Variants in SPATA6 observed in about 807,000 individuals in gnomAD.
SPATA6 encodes the protein spermatogenesis-associated protein 6.
SPATA6 carries 56 observed loss-of-function variants against 65.3 expected under a neutral mutation model. That is an observed-to-expected ratio of 0.86 (90% CI 0.69 to 1.07). SPATA6 has a LOEUF of 1.07. Among genes scored for constraint, SPATA6 ranks in the 50% least tolerant of loss-of-function variants. The pLI, the probability that SPATA6 is intolerant of heterozygous loss-of-function variation, is 0.00. For synonymous variants in SPATA6, 199 were observed against 213.2 expected, an observed-to-expected ratio of 0.93 and a Z score of 0.58; for missense variants, 590 against 594.8, an observed-to-expected ratio of 0.99 and a Z score of 0.08.
At chr1:48,453,203 T>C (rs1656735187) in intron 1 of SPATA6, 72 bp from the exon 2 acceptor site, 4 of 1,454,356 alleles carry the variant, frequency 2.8e-6, no homozygotes, top group East Asian at 4.9e-5. Flanking sequence ...AAATAACTTA[T>C]CAAATATTAC....
intron 9 of SPATA6, among the ~76,000 whole-genome samples, chr1:48,362,703 G>A (rs951995566): frequency 6.6e-6 from 1 of 152,066 alleles, no homozygotes; most frequent in Non-Finnish European, 1.5e-5. Context: ...TCTTAATGGT[G>A]CAGGTCTCAC....
chr1:48,424,898 T>A (rs1206982406), intron 3 of SPATA6, among the ~76,000 whole-genome samples: 1 of 152,210 alleles, frequency 6.6e-6, no homozygotes, highest in African/African-American at 2.4e-5. Context: ...TAATCCCTTA[T>A]CAGAGGGGCA....
intron 3 of SPATA6, among the ~76,000 whole-genome samples, chr1:48,414,024 A>G (rs1240602044): frequency 6.6e-6 from 1 of 152,216 alleles, no homozygotes; most frequent in African/African-American, 2.4e-5. Flanking sequence ...TATGGTACAT[A>G]TCAAGCAATT....
At chr1:48,313,967 G>A (rs913179417) in intron 11 of SPATA6, among the ~76,000 whole-genome samples, 1 of 152,096 alleles carries the variant, frequency 6.6e-6, no homozygotes, top group African/African-American at 2.4e-5. Flanking sequence ...ATGGTAAAGG[G>A]ATCAATTCAA....
intron 11 of SPATA6, among the ~76,000 whole-genome samples, chr1:48,317,636 C>A (rs992352100): frequency 2.2e-4 from 33 of 152,040 alleles, no homozygotes; most frequent in East Asian, 1.9e-4. Flanking sequence ...ATGTAACAAA[C>A]CTGCACGTTG....
chr1:48,313,826 C>T (rs143397778), intron 11 of SPATA6, among the ~76,000 whole-genome samples: 12,722 of 151,986 alleles, frequency 0.084, 538 homozygotes, highest in Non-Finnish European at 0.093. Flanking sequence ...CACACATAGG[C>T]TCAAAATAAA....
chr1:48,264,402 G>A, the SPATA6 span, among the ~76,000 whole-genome samples: 790 of 152,154 alleles, frequency 5.2e-3, 19 homozygotes, highest in South Asian at 0.05. Flanking sequence ...TAAGTTCTGG[G>A]ATGCATGTGC....
At chr1:48,367,315 C>A (rs1448303799) in intron 9 of SPATA6, among the ~76,000 whole-genome samples, 5 of 152,116 alleles carry the variant, frequency 3.3e-5, no homozygotes, top group African/African-American at 1.2e-4. Flanking sequence ...ATTAGGTCTG[C>A]TTGGTGCAGA....
At chr1:48,268,304 ATGTGTGTGTGTGTGTG>A in the SPATA6 span, among the ~76,000 whole-genome samples, 2 of 149,220 alleles carry the variant, frequency 1.3e-5, no homozygotes, top group Non-Finnish European at 3.0e-5. Context: ...AAATAAAAAT[ATGTGTGTGTGTGTGTG>A]TGTGTGTGTG....
chr1:48,413,221 G>A, intron 3 of SPATA6, 70 bp from the exon 4 acceptor site: 1 of 848,390 alleles, frequency 1.2e-6, no homozygotes, highest in Non-Finnish European at 1.7e-6. Context: ...ATTTACCATG[G>A]GAGTGTCTAA....
chr1:48,426,213 TG>T (rs1306633341), intron 3 of SPATA6, among the ~76,000 whole-genome samples: 1 of 152,140 alleles, frequency 6.6e-6, no homozygotes, highest in Non-Finnish European at 1.5e-5. Context: ...CTAAAGGACC[TG>T]GAAAGATAAT....
the SPATA6 span, among the ~76,000 whole-genome samples, chr1:48,273,185 C>T: frequency 6.6e-6 from 1 of 152,010 alleles, no homozygotes; most frequent in South Asian, 2.1e-4. Context: ...AATATTATTG[C>T]CAAGACCAAT....
chr1:48,281,738 T>A, the SPATA6 span, among the ~76,000 whole-genome samples: 1 of 151,824 alleles, frequency 6.6e-6, no homozygotes, highest in Non-Finnish European at 1.5e-5. Context: ...AGAATCAATA[T>A]CGTGAAAATG....
chr1:48,291,722 G>T (rs1644769393), downstream of SPATA6, among the ~76,000 whole-genome samples: 1 of 152,184 alleles, frequency 6.6e-6, no homozygotes, highest in African/African-American at 2.4e-5. Flanking sequence ...GTCCCAGGGA[G>T]CCTGCAGTGG....
chr1:48,356,130 C>T (rs1646653028), intron 10 of SPATA6, among the ~76,000 whole-genome samples: 1 of 152,010 alleles, frequency 6.6e-6, no homozygotes, highest in African/African-American at 2.4e-5. Flanking sequence ...AAAATATCTA[C>T]AATTTAATCA....
At chr1:48,282,983 C>T in the SPATA6 span, among the ~76,000 whole-genome samples, 10 of 152,138 alleles carry the variant, frequency 6.6e-5, 1 homozygote, top group South Asian at 2.1e-3. Context: ...CACATATACA[C>T]CATGGAATCC....
chr1:48,368,189 C>A (rs570443769), intron 9 of SPATA6, among the ~76,000 whole-genome samples: 1 of 152,182 alleles, frequency 6.6e-6, no homozygotes, highest in African/African-American at 2.4e-5. Flanking sequence ...GGGCTTCCCT[C>A]TGTGGGTAAC....
At chr1:48,325,314 T>G (rs148299675) in intron 11 of SPATA6, 1 of 1,181,944 alleles carries the variant, frequency 8.5e-7, no homozygotes, top group Non-Finnish European at 1.2e-6. Flanking sequence ...TGCTTCACTG[T>G]GTGTAGGGCA....
At chr1:48,340,633 T>G (rs540529283) in intron 11 of SPATA6, among the ~76,000 whole-genome samples, 1 of 151,604 alleles carries the variant, frequency 6.6e-6, no homozygotes, top group Non-Finnish European at 1.5e-5. Context: ...TCAAATAAAG[T>G]ATGAAGGAGA....
Sources: gnomAD v4.1 joint callset for allele counts (sites outside exome capture counted in the v4.1 genomes callset) on GRCh38, gnomAD v4.1.1 for gene constraint, MANE v1.5 for transcripts, NCBI Gene and HGNC (gene_info 2026-07-23, HGNC 2026-07-21) for gene names.